The following NFATC3 variants were observed in gnomAD, a reference collection of about 807,000 sequenced individuals.
NFATC3 encodes nuclear factor of activated T cells 3, also known as nuclear factor of activated T-cells, cytoplasmic 3.
NFATC3 carries 46 observed loss-of-function variants against 98.6 expected under a neutral mutation model. The observed-to-expected ratio is 0.47, with a 90% CI of 0.37 to 0.60. The LOEUF (loss-of-function observed/expected upper bound fraction) is 0.60. NFATC3 is among the 20% of genes least tolerant of loss of function. The pLI is 0.00. For missense variants in NFATC3, 1,256 were observed against 1,295.5 expected (o/e 0.97, Z 0.47); for synonymous variants, 512 against 472.2 (o/e 1.08, Z -1.09).
At chr16:68,154,329 T>C (rs750629810) in intron 3 of NFATC3, among the ~76,000 whole-genome samples, 31 of 152,168 alleles carry the variant, frequency 2.0e-4, no homozygotes, top group Admixed American at 2.0e-3. Flanking sequence ...AAAATCTCTT[T>C]AGGGCCTTCT....
intron 1 of NFATC3, among the ~76,000 whole-genome samples, chr16:68,095,100 A>G (rs549364606): frequency 1.2e-3 from 185 of 152,278 alleles, no homozygotes; most frequent in Non-Finnish European, 2.1e-3. Flanking sequence ...AAAATCTGTT[A>G]GGGAGGAAGA....
At chr16:68,089,980 CGAT>C (rs1156345272) in intron 1 of NFATC3, among the ~76,000 whole-genome samples, 1 of 151,908 alleles carries the variant, frequency 6.6e-6, no homozygotes, top group Non-Finnish European at 1.5e-5. Context: ...GAAGTTTACT[CGAT>C]GATAAGATAT....
intron 9 of NFATC3, chr16:68,224,887 C>T (rs2041990822): frequency 6.6e-6 from 1 of 152,030 alleles, no homozygotes; most frequent in African/African-American, 2.4e-5. Flanking sequence ...AAGTATACAA[C>T]TCAGTGGTTT....
chr16:68,220,876 G>T (rs1259275524), intron 9 of NFATC3, among the ~76,000 whole-genome samples: 2 of 150,936 alleles, frequency 1.3e-5, no homozygotes, highest in African/African-American at 2.4e-5. Context: ...CTGAGATTGC[G>T]CCACCGCACT....
intron 9 of NFATC3, among the ~76,000 whole-genome samples, chr16:68,202,032 C>T (rs1004808807): frequency 3.3e-5 from 5 of 150,896 alleles, no homozygotes; most frequent in African/African-American, 1.2e-4. Flanking sequence ...TAAATACAGG[C>T]CCATTTAATT....
chr16:68,135,737 C>G (rs1472943276), intron 3 of NFATC3, among the ~76,000 whole-genome samples: 1 of 151,980 alleles, frequency 6.6e-6, no homozygotes, highest in Non-Finnish European at 1.5e-5. Flanking sequence ...TATAGATTAT[C>G]TGTATATTTT....
intron 4 of NFATC3, among the ~76,000 whole-genome samples, chr16:68,163,755 T>C (rs1254985501): frequency 6.9e-6 from 1 of 145,644 alleles, no homozygotes; most frequent in East Asian, 2.1e-4. Context: ...GCTCCTCACA[T>C]CCCAGACGGG....
At chr16:68,142,404 G>T (rs1051739572) in intron 3 of NFATC3, among the ~76,000 whole-genome samples, 1 of 152,144 alleles carries the variant, frequency 6.6e-6, no homozygotes, top group African/African-American at 2.4e-5. Flanking sequence ...GCGGTGTGTA[G>T]CAGTGCTACC....
intron 1 of NFATC3, among the ~76,000 whole-genome samples, chr16:68,094,168 A>G (rs576249077): frequency 6.6e-6 from 1 of 152,196 alleles, no homozygotes; most frequent in African/African-American, 2.4e-5. Context: ...AGGTGATATC[A>G]TTTTAGGTTT....
chr16:68,214,380 G>T, intron 9 of NFATC3: 1 of 1,614,170 alleles, frequency 6.2e-7, no homozygotes, highest in Non-Finnish European at 8.5e-7. Context: ...GCAGAGAAAT[G>T]GCCTAACCAC....
At chr16:68,097,072 C>T (rs1256949576) in intron 1 of NFATC3, among the ~76,000 whole-genome samples, 1 of 152,022 alleles carries the variant, frequency 6.6e-6, no homozygotes, top group Admixed American at 6.6e-5. Context: ...GATAGATTTA[C>T]AGGAAAGAAA....
intron 1 of NFATC3, among the ~76,000 whole-genome samples, chr16:68,087,910 G>C (rs2034478600): frequency 6.6e-6 from 1 of 152,152 alleles, no homozygotes; most frequent in Non-Finnish European, 1.5e-5. Context: ...ATGGACATTT[G>C]GGCTTTTTCT....
intron 1 of NFATC3, among the ~76,000 whole-genome samples, chr16:68,090,377 C>T (rs960120201): frequency 7.0e-6 from 1 of 143,426 alleles, no homozygotes; most frequent in Admixed American, 7.1e-5. Flanking sequence ...TTACTTCCTT[C>T]TCTTTGCTAG....
In NFATC3 at chr16:68,122,989, G is replaced by C. The variant is rs1280861088; in HGVS notation, c.1106G>C (p.Arg369Pro). The C allele has an allele frequency of 6.2e-7, 1 of 1,613,988 alleles. No individual in the cohort carries two copies. Among genetic ancestry groups the C allele is most frequent in the South Asian group, 1.1e-5 (1 of 91,090 alleles). Reference protein sequence around the residue: ...SDDQGSLSPARETSIDDGLGS... With the variant: ...SDDQGSLSPAPETSIDDGLGS... Reference sequence around the variant, plus strand: ...GACCAAGGGAGTTTATCACCAGCCCGGGAGACTTCAATAGATGATGGCCTT... The same window carrying C: ...GACCAAGGGAGTTTATCACCAGCCCCGGAGACTTCAATAGATGATGGCCTT... The change falls in exon 2 of 10, where the codon CGG becomes CCG. Residue 369 changes from arginine (R) to proline (P), a missense_variant. Coordinates refer to ENST00000346183, the MANE Select transcript of NFATC3 (RefSeq NM_173165.3).
chr16:68,112,536 A>G (rs1042840252), intron 1 of NFATC3, among the ~76,000 whole-genome samples: 12 of 151,416 alleles, frequency 7.9e-5, no homozygotes, highest in African/African-American at 2.4e-4. Context: ...TCGGCCTCCC[A>G]AAGTGCTGGG....
In NFATC3 at chr16:68,163,173, A is replaced by G. The variant is rs1480870688; in HGVS notation, c.1602-3670A>G. Among the ~76,000 whole-genome samples, 13 of 152,158 alleles carry G rather than the reference A, an allele frequency of 8.5e-5. No individual in the cohort carries two copies. In the East Asian group the frequency reaches 9.7e-4, roughly 11 times the overall value. On this transcript the variant is annotated intron_variant, in intron 4 of 9. Coordinates refer to ENST00000346183, the MANE Select transcript of NFATC3 (RefSeq NM_173165.3). ...GACATGGCAACCATCCGATTTCTCA[A>G]TCTTTTCCCCACCTTTCCCCCCTTT...
At chr16:68,123,497 CAAAAAAA>C (rs547564860) in intron 2 of NFATC3, among the ~76,000 whole-genome samples, 3 of 73,878 alleles carry the variant, frequency 4.1e-5, no homozygotes, top group Admixed American at 1.4e-4. Flanking sequence ...CCTGTCTCTA[CAAAAAAA>C]AAAAAAAAAA....
At chr16:68,128,479 G>A (rs1405880641) in intron 3 of NFATC3, among the ~76,000 whole-genome samples, 2 of 151,800 alleles carry the variant, frequency 1.3e-5, no homozygotes, top group African/African-American at 2.4e-5. Flanking sequence ...AGTTTTCATA[G>A]CAATCAACAA....
intron 9 of NFATC3, among the ~76,000 whole-genome samples, chr16:68,216,852 A>G (rs1489229152): frequency 6.6e-6 from 1 of 152,182 alleles, no homozygotes; most frequent in African/African-American, 2.4e-5. Flanking sequence ...TTTCTTAAAA[A>G]GGAAGGAGTC....
Sources: gnomAD v4.1 joint callset for allele counts (sites outside exome capture counted in the v4.1 genomes callset) on GRCh38, gnomAD v4.1.1 for gene constraint, MANE v1.5 for transcripts, NCBI Gene and HGNC (gene_info 2026-07-23, HGNC 2026-07-21) for gene names.